Variants in NEGR1 observed in about 807,000 individuals in gnomAD.
NEGR1 encodes the protein neuronal growth regulator 1, also known as IgLON family member 4.
Under a neutral mutation model 40.9 loss-of-function variants are expected in NEGR1, and 10 were observed. That is an observed-to-expected ratio of 0.24 (90% CI 0.15 to 0.42). NEGR1 has a LOEUF of 0.42. Among genes scored for constraint, NEGR1 ranks in the 10% least tolerant of loss-of-function variants. The probability of loss-of-function intolerance (pLI) is 1.00; values close to 1 mark genes in which losing one functional copy is unlikely to be tolerated. For synonymous variants in NEGR1, 185 were observed against 166.8 expected, an observed-to-expected ratio of 1.11 and a Z score of -0.84; for missense variants, 352 against 438.9, an observed-to-expected ratio of 0.80 and a Z score of 1.77.
At chr1:71,600,542 T>C (rs566859805) in intron 5 of NEGR1, among the ~76,000 whole-genome samples, 2 of 152,100 alleles carry the variant, frequency 1.3e-5, no homozygotes, top group African/African-American at 4.8e-5. Flanking sequence ...CAGCCAGGAA[T>C]GGGTATGTGA....
chr1:72,250,833 C>T (rs985491421), intron 1 of NEGR1, among the ~76,000 whole-genome samples: 8 of 152,128 alleles, frequency 5.3e-5, no homozygotes, highest in African/African-American at 1.7e-4. Flanking sequence ...AGCAGCAATC[C>T]GCAATAGGGC....
intron 2 of NEGR1, among the ~76,000 whole-genome samples, chr1:71,912,775 G>A (rs537283129): frequency 6.6e-6 from 1 of 152,086 alleles, no homozygotes; most frequent in East Asian, 1.9e-4. Context: ...TGTGAGAAAG[G>A]ATGAATGGAT....
intron 1 of NEGR1, among the ~76,000 whole-genome samples, chr1:71,961,958 T>G (rs1646168925): frequency 6.6e-6 from 1 of 152,092 alleles, no homozygotes; most frequent in African/African-American, 2.4e-5. Context: ...TTTGTAAGGC[T>G]TAATGAAATA....
At chr1:72,278,462 G>T (rs1198264961) in intron 1 of NEGR1, among the ~76,000 whole-genome samples, 1 of 152,022 alleles carries the variant, frequency 6.6e-6, no homozygotes, top group African/African-American at 2.4e-5. Context: ...TTTCCAAGGG[G>T]TATTAAACAT....
chr1:72,004,546 AG>A (rs1294068375), intron 1 of NEGR1, among the ~76,000 whole-genome samples: 2 of 152,138 alleles, frequency 1.3e-5, no homozygotes, highest in Non-Finnish European at 2.9e-5. Flanking sequence ...GGCCTCCCAA[AG>A]TTCAGGGATT....
chr1:71,960,156 A>G lies in NEGR1; in HGVS notation c.177-24845T>C, dbSNP rs370017327. Among the ~76,000 whole-genome samples the G allele has an allele frequency of 3.9e-5, 6 of 152,274 alleles. No individual in the cohort carries two copies. In the East Asian group the frequency reaches 1.2e-3, roughly 29 times the overall value. On this transcript the variant is annotated intron_variant, in intron 1 of 6. Coordinates refer to ENST00000357731, the MANE Select transcript of NEGR1 (RefSeq NM_173808.3). ...CTTTTCTTTAAGCTTAAAAAAATGG[A>G]CTATAAAACATTTACAAACATAGCC...
chr1:72,110,894 A>G (rs1450074006), intron 1 of NEGR1, among the ~76,000 whole-genome samples: 1 of 151,648 alleles, frequency 6.6e-6, no homozygotes, highest in Non-Finnish European at 1.5e-5. Context: ...TAATCAAGAT[A>G]CAGTCAGTCA....
intron 1 of NEGR1, among the ~76,000 whole-genome samples, chr1:72,254,674 C>G (rs12137936): frequency 0.23 from 34,029 of 146,940 alleles, 4,769 homozygotes; most frequent in Non-Finnish European, 0.31. Context: ...TGCACTCCAG[C>G]CTGGGCAACA....
intron 1 of NEGR1, among the ~76,000 whole-genome samples, chr1:72,083,753 T>A (rs1052528883): frequency 6.6e-6 from 1 of 152,074 alleles, no homozygotes; most frequent in African/African-American, 2.4e-5. Flanking sequence ...TTAGGGTAGT[T>A]TCAGTTCACA....
At chr1:71,683,525 C>T (rs1453779687) in intron 4 of NEGR1, among the ~76,000 whole-genome samples, 2 of 141,350 alleles carry the variant, frequency 1.4e-5, no homozygotes, top group African/African-American at 2.6e-5. Flanking sequence ...TGTTTAAGTC[C>T]AAAGTGGTTT....
chr1:71,564,691 T>C (rs357218), intron 6 of NEGR1, among the ~76,000 whole-genome samples: 78 of 152,266 alleles, frequency 5.1e-4, no homozygotes, highest in African/African-American at 1.8e-3. Context: ...GTTTTATCAA[T>C]TCTGGATGCC....
chr1:71,524,564 A>G (rs1647194641), intron 6 of NEGR1, among the ~76,000 whole-genome samples: 1 of 151,644 alleles, frequency 6.6e-6, no homozygotes, highest in South Asian at 2.1e-4. Context: ...GTAGGTTCTG[A>G]AGGAAAATAT....
At chr1:71,557,929 T>C (rs1648304929) in intron 6 of NEGR1, among the ~76,000 whole-genome samples, 1 of 151,576 alleles carries the variant, frequency 6.6e-6, no homozygotes, top group South Asian at 2.1e-4. Context: ...TTTCATTATC[T>C]TGACACTTGG....
chr1:71,607,170 C>T (rs1452718501), intron 5 of NEGR1, among the ~76,000 whole-genome samples: 1 of 152,144 alleles, frequency 6.6e-6, no homozygotes, highest in African/African-American at 2.4e-5. Context: ...TTCATGTTCC[C>T]AGTTAAAGAC....
intron 4 of NEGR1, among the ~76,000 whole-genome samples, chr1:71,668,665 A>G (rs1652318397): frequency 6.6e-6 from 1 of 152,098 alleles, no homozygotes; most frequent in African/African-American, 2.4e-5. Context: ...GAGCCTGAAA[A>G]CATCAGATAT....
At chr1:71,489,950 A>G (rs1646915362) in intron 6 of NEGR1, 1 of 151,930 alleles carries the variant, frequency 6.6e-6, no homozygotes, top group Admixed American at 6.6e-5. Flanking sequence ...CCCCAAATAA[A>G]GCATTAACTT....
chr1:71,845,279 A>G (rs1373825536), intron 2 of NEGR1, among the ~76,000 whole-genome samples: 2 of 152,164 alleles, frequency 1.3e-5, no homozygotes, highest in Non-Finnish European at 2.9e-5. Context: ...GTGCATAAAT[A>G]TGAAAGCATA....
At chr1:72,244,964 G>A (rs775265256) in intron 1 of NEGR1, among the ~76,000 whole-genome samples, 3 of 151,848 alleles carry the variant, frequency 2.0e-5, no homozygotes, top group South Asian at 2.1e-4. Context: ...TGAAATCACC[G>A]ACGAAAAGCA....
At chr1:72,087,430 CAA>C (rs1358505128) in intron 1 of NEGR1, among the ~76,000 whole-genome samples, 18 of 142,800 alleles carry the variant, frequency 1.3e-4, no homozygotes, top group Admixed American at 1.4e-4. Flanking sequence ...GATGCTGTCT[CAA>C]AAAAAAAATA....
Sources: allele counts gnomAD v4.1 joint callset (sites outside exome capture counted in the v4.1 genomes callset), GRCh38; gene constraint gnomAD v4.1.1; transcripts MANE v1.5; gene names NCBI Gene and HGNC (gene_info 2026-07-23, HGNC 2026-07-21).